The following TSLP variants were observed in gnomAD, a reference collection of about 807,000 sequenced individuals.
TSLP encodes thymic stromal lymphopoietin, also known as thymic stroma-derived lymphopoietin.
TSLP carries 12 observed loss-of-function variants against 12.4 expected under a neutral mutation model. That is an observed-to-expected ratio of 0.97 (90% CI 0.62 to 1.57). The LOEUF (loss-of-function observed/expected upper bound fraction) is 1.57, where lower values mean the gene tolerates loss of function less well. TSLP is among the 40% of genes most tolerant of loss of function. TSLP has a pLI of 0.00. For synonymous variants in TSLP, 97 were observed against 69.5 expected (o/e 1.40, Z -1.97); for missense variants, 222 against 189.6 (o/e 1.17, Z -1.00).
At chr5:111,071,520 G>A (rs140989932), upstream of TSLP, 1,072 of 1,548,818 alleles carry the variant, frequency 6.9e-4, 14 homozygotes, top group African/African-American at 0.013. Context: ...GGAGGAAGGT[G>A]AGGGAAATTC....
At chr5:111,071,101 T>C (rs1226882333), upstream of TSLP, 1 of 211,076 alleles carries the variant, frequency 4.7e-6, no homozygotes, top group African/African-American at 2.3e-5. Context: ...AAGTAGGGTT[T>C]TTGAGAACAA....
intron 2 of TSLP, chr5:111,073,184 G>A: frequency 1.0e-6 from 1 of 979,710 alleles, no homozygotes; most frequent in South Asian, 1.8e-5. Flanking sequence ...AGGGAACGTT[G>A]TTAGGGGCAC....
chr5:111,072,496 T>G (rs909258630), intron 1 of TSLP, among the ~76,000 whole-genome samples: 1 of 152,222 alleles, frequency 6.6e-6, no homozygotes, highest in Non-Finnish European at 1.5e-5. Context: ...TATGGTGTAC[T>G]TGGAATTTTT....
chr5:111,072,144 G>A, intron 1 of TSLP, 83 bp downstream of exon 1: 4 of 1,196,986 alleles, frequency 3.3e-6, no homozygotes, highest in Non-Finnish European at 4.6e-6. Flanking sequence ...AACTTTGTAG[G>A]AAAGAAAAAT....
At chr5:111,071,249 C>T (rs1752330911), upstream of TSLP, 2 of 488,924 alleles carry the variant, frequency 4.1e-6, no homozygotes, top group Admixed American at 3.8e-5. Flanking sequence ...TCCAAAGCAT[C>T]CCATAAGCAA....
intron 3 of TSLP, 42 bp from the exon 4 acceptor site, chr5:111,075,904 T>G: frequency 6.2e-7 from 1 of 1,601,464 alleles, no homozygotes; most frequent in Non-Finnish European, 8.5e-7. Context: ...TTACTAAAGA[T>G]AGTGAAAAGT....
upstream of TSLP, chr5:111,071,293 G>A (rs1752331719): frequency 4.6e-6 from 3 of 647,918 alleles, no homozygotes; most frequent in Non-Finnish European, 4.8e-6. Flanking sequence ...AGAAGGGAAA[G>A]CACTAGTTGA....
At chr5:111,075,393 G>T (rs1179184248) in intron 3 of TSLP, among the ~76,000 whole-genome samples, 1 of 152,114 alleles carries the variant, frequency 6.6e-6, no homozygotes, top group Non-Finnish European at 1.5e-5. Flanking sequence ...GGCAGGGGAG[G>T]GGGAAGGATG....
chr5:111,072,198 A>T lies in TSLP; in HGVS notation c.171+137A>T, dbSNP rs112258977. ...GCCCCACATTTTGTCAAGGATTCTTACAAGTGATATTCAAATATCTAATCT... is the reference window on the plus strand; with the variant it reads ...GCCCCACATTTTGTCAAGGATTCTTTCAAGTGATATTCAAATATCTAATCT... On this transcript the variant is annotated intron_variant, in intron 1 of 3. Coordinates refer to ENST00000344895, the MANE Select transcript of TSLP (RefSeq NM_033035.5). 3.5e-4 allele frequency: 256 copies of T among 740,084 alleles called. 6 individuals carry two copies. The South Asian group carries it at 4.4e-3, about 13-fold the overall frequency. 45.8% of individuals were successfully genotyped at this position (740,084 alleles called of 1,614,324 possible).
chr5:111,076,736 T>C lies in TSLP; in HGVS notation c.*662T>C, dbSNP rs1752517304. 1 of 152,260 alleles carries C rather than the reference T, an allele frequency of 6.6e-6. No homozygotes were observed. The highest frequency in any genetic ancestry group is 2.4e-5 in the African/African-American group (1 of 41,466). The allele number at this position is 152,260 out of a possible 1,614,324, so 9.4% of individuals were successfully genotyped here. A position where few individuals can be genotyped will look rare whatever the true frequency, so the allele number is the denominator to read the frequency against. On this transcript the variant is annotated 3_prime_UTR_variant, in exon 4 of 4. Coordinates refer to ENST00000344895, the MANE Select transcript of TSLP (RefSeq NM_033035.5). ...TATTTTGTGAACACTTTTGAAAATG[T>C]ACATGTTCCTTTGTAATTGACACTA...
chr5:111,072,501 A>AT (rs1483987864), intron 1 of TSLP, among the ~76,000 whole-genome samples: 1 of 152,066 alleles, frequency 6.6e-6, no homozygotes, highest in Non-Finnish European at 1.5e-5. Context: ...TGTACTTGGA[A>AT]TTTTTTTTAA....
In TSLP at chr5:111,077,753, T is replaced by A. The variant is rs557587188; in HGVS notation, c.*1679T>A. 5 of 152,770 alleles carry A rather than the reference T, an allele frequency of 3.3e-5. No individual in the cohort carries two copies. The highest frequency in any genetic ancestry group is 2.6e-4 in the Admixed American group (4 of 15,306). 9.5% of individuals were successfully genotyped at this position (152,770 alleles called of 1,614,324 possible). A position where few individuals can be genotyped will look rare whatever the true frequency, so the allele number is the denominator to read the frequency against. ...GTTTCTTTGAATCTTCTGCTTTATC[T>A]TTAAAAATTTGTATAATTTATATAT... On this transcript the variant is annotated 3_prime_UTR_variant, in exon 4 of 4. Coordinates refer to ENST00000344895, the MANE Select transcript of TSLP (RefSeq NM_033035.5).
chr5:111,071,290 A>T, upstream of TSLP: 1 of 635,506 alleles, frequency 1.6e-6, no homozygotes, highest in Non-Finnish European at 2.5e-6. Context: ...AGGAGAAGGG[A>T]AAGCACTAGT....
At chr5:111,070,438 CG>C (rs1752314730), upstream of TSLP, 2 of 148,578 alleles carry the variant, frequency 1.3e-5, no homozygotes, top group Non-Finnish European at 3.0e-5. Context: ...GTGCGATGGA[CG>C]GGGGAGCGGA....
intron 1 of TSLP, 70 bp from the exon 2 acceptor site, chr5:111,072,818 G>T: frequency 6.6e-7 from 1 of 1,510,916 alleles, no homozygotes; most frequent in Non-Finnish European, 9.2e-7. Context: ...GGGAGCAAAG[G>T]GTGGAGGGAT....
chr5:111,072,331 A>G (rs1230137170), intron 1 of TSLP, among the ~76,000 whole-genome samples: 2 of 152,206 alleles, frequency 1.3e-5, no homozygotes, highest in African/African-American at 4.8e-5. Context: ...CCTTTGCTAA[A>G]GTGTTACTCT....
At position 111,076,871 on chromosome 5, in the gene TSLP, GT is replaced by G. The variant is rs562775060; in HGVS notation, c.*802del. 1 of 152,136 alleles carries G rather than the reference GT, an allele frequency of 6.6e-6. No individual in the cohort carries two copies. The highest frequency in any genetic ancestry group is 1.9e-4 in the East Asian group (1 of 5,186). The allele number at this position is 152,136 out of a possible 1,614,324, so 9.4% of individuals were successfully genotyped here. ...TCTAAGGGACATTATCTTCCTTCAG[GT>G]TTTTACCTCCACTCATCCTTAGAGC... is the stretch of plus-strand genomic sequence containing the variant. On this transcript the variant is annotated 3_prime_UTR_variant, in exon 4 of 4. Coordinates refer to ENST00000344895, the MANE Select transcript of TSLP (RefSeq NM_033035.5).
chr5:111,070,189 C>T (rs961358817), upstream of TSLP: 5 of 152,278 alleles, frequency 3.3e-5, no homozygotes, highest in African/African-American at 1.2e-4. Context: ...GTTTTCTGAC[C>T]CTCTCGAGTG....
Position 111,075,074 on chromosome 5 carries a change from A to G in TSLP, c.352-872A>G, listed in dbSNP as rs377611946. Among the ~76,000 whole-genome samples, 9 of 152,330 alleles carry G rather than the reference A, an allele frequency of 5.9e-5. 1 individual carries two copies. The highest frequency in any genetic ancestry group is 2.6e-4 in the Admixed American group (4 of 15,308). On this transcript the variant is annotated intron_variant, in intron 3 of 3. Coordinates refer to ENST00000344895, the MANE Select transcript of TSLP (RefSeq NM_033035.5). ...CCTGGCAAATCTGCAGATGGCTACA[A>G]TAAAATTCATTTAAATAAGAGCACA...
Sources: gnomAD v4.1 joint callset for allele counts (sites outside exome capture counted in the v4.1 genomes callset) on GRCh38, gnomAD v4.1.1 for gene constraint, MANE v1.5 for transcripts, NCBI Gene and HGNC (gene_info 2026-07-23, HGNC 2026-07-21) for gene names.